Variants in MIR2052HG observed in about 807,000 individuals in gnomAD.
The protein encoded by MIR2052HG is MIR2052 host gene.
chr8:74,642,838 G>A (rs560714572), intron 2 of MIR2052HG, among the ~76,000 whole-genome samples: 1 of 152,188 alleles, frequency 6.6e-6, no homozygotes, highest in Admixed American at 6.5e-5. Context: ...CATCTACTTG[G>A]GTTTCATTGC....
intron 2 of MIR2052HG, among the ~76,000 whole-genome samples, chr8:74,634,014 C>T (rs2553707): frequency 0.45 from 68,232 of 152,046 alleles, 15,753 homozygotes; most frequent in East Asian, 0.66. Context: ...TTTCTTTCCT[C>T]AAATATCTGG....
At chr8:74,647,255 G>A (rs557670493) in intron 2 of MIR2052HG, among the ~76,000 whole-genome samples, 12 of 152,248 alleles carry the variant, frequency 7.9e-5, no homozygotes, top group African/African-American at 2.9e-4. Context: ...CAGGACAAGA[G>A]GACAGAAACA....
At chr8:74,718,666 CAT>C (rs1809544471) in intron 4 of MIR2052HG, among the ~76,000 whole-genome samples, 1 of 152,266 alleles carries the variant, frequency 6.6e-6, no homozygotes, top group East Asian at 1.9e-4. Flanking sequence ...GTACCACAGA[CAT>C]AGTTCTGGAG....
Position 74,634,891 on chromosome 8 carries a change from C to A in MIR2052HG, n.216+21951C>A, listed in dbSNP as rs574991570. On this transcript the variant is annotated intron_variant and non_coding_transcript_variant, in intron 2 of 6. Coordinates refer to ENST00000523442, the Ensembl canonical transcript of MIR2052HG. ...TGATTGATTGATTAATTGATCCACT[C>A]TTTCCTCAATTATTTATTGAATGTC... is the stretch of plus-strand genomic sequence containing the variant. 2.6e-5 allele frequency among the ~76,000 whole-genome samples: 4 copies of A among 152,218 alleles called. No individual in the cohort carries two copies. In the South Asian group the frequency reaches 8.3e-4, roughly 32 times the overall value.
intron 2 of MIR2052HG, among the ~76,000 whole-genome samples, chr8:74,628,406 G>C (rs550509619): frequency 6.6e-6 from 1 of 152,268 alleles, no homozygotes; most frequent in East Asian, 1.9e-4. Flanking sequence ...AACTATGTTC[G>C]TGTGGCTCAG....
chr8:74,631,575 C>T (rs949051153), intron 2 of MIR2052HG, among the ~76,000 whole-genome samples: 5 of 152,130 alleles, frequency 3.3e-5, no homozygotes, highest in Non-Finnish European at 7.4e-5. Context: ...GGTACTTCAA[C>T]AGCTGTTGAT....
intron 2 of MIR2052HG, among the ~76,000 whole-genome samples, chr8:74,652,319 A>G (rs1808762089): frequency 6.6e-6 from 1 of 152,122 alleles, no homozygotes; most frequent in South Asian, 2.1e-4. Context: ...GACACATAAT[A>G]TTTCTGGTTG....
intron 2 of MIR2052HG, among the ~76,000 whole-genome samples, chr8:74,644,741 A>AT (rs1808673980): frequency 6.6e-6 from 1 of 151,812 alleles, no homozygotes; most frequent in South Asian, 2.1e-4. Flanking sequence ...AAATAAATAA[A>AT]TTAGCCGGGC....
At chr8:74,698,210 A>C (rs1020546521) in intron 2 of MIR2052HG, among the ~76,000 whole-genome samples, 9 of 152,258 alleles carry the variant, frequency 5.9e-5, no homozygotes, top group Admixed American at 1.3e-4. Context: ...CCAGATACTT[A>C]ACAGCCAACT....
intron 4 of MIR2052HG, among the ~76,000 whole-genome samples, chr8:74,712,854 G>A (rs1051957866): frequency 6.6e-6 from 1 of 152,154 alleles, no homozygotes; most frequent in African/African-American, 2.4e-5. Context: ...GTTTGGGGCA[G>A]TAGGGATGTA....
At chr8:74,733,073 T>G (rs1319701171) in intron 4 of MIR2052HG, among the ~76,000 whole-genome samples, 4 of 151,502 alleles carry the variant, frequency 2.6e-5, no homozygotes, top group Non-Finnish European at 5.9e-5. Flanking sequence ...TTTATTTATT[T>G]ATTTATTTAT....
chr8:74,698,167 C>T (rs567385341), intron 2 of MIR2052HG, among the ~76,000 whole-genome samples: 1 of 152,212 alleles, frequency 6.6e-6, no homozygotes, highest in South Asian at 2.1e-4. Flanking sequence ...GGCACACAAA[C>T]CAATGGAACA....
At chr8:74,649,557 T>C (rs1320747534) in intron 2 of MIR2052HG, among the ~76,000 whole-genome samples, 1 of 152,126 alleles carries the variant, frequency 6.6e-6, no homozygotes, top group Non-Finnish European at 1.5e-5. Context: ...ATATAAAAGT[T>C]TATTGTTCTT....
chr8:74,604,400 G>A (rs1380219089), intron 1 of MIR2052HG, among the ~76,000 whole-genome samples: 1 of 136,008 alleles, frequency 7.4e-6, no homozygotes, highest in Non-Finnish European at 1.6e-5. Context: ...GAACAATAGG[G>A]GCAGGCGGGA....
At chr8:74,662,367 T>TA (rs1322418273) in intron 2 of MIR2052HG, among the ~76,000 whole-genome samples, 1 of 143,944 alleles carries the variant, frequency 6.9e-6, no homozygotes, top group Non-Finnish European at 1.5e-5. Context: ...GCCTTCCGCA[T>TA]AAGAAGTAGG....
chr8:74,649,369 TA>T (rs1419531946), intron 2 of MIR2052HG, among the ~76,000 whole-genome samples: 2 of 152,032 alleles, frequency 1.3e-5, no homozygotes, highest in Admixed American at 6.6e-5. Context: ...TAAAATAGTT[TA>T]AAAAATAATG....
intron 2 of MIR2052HG, among the ~76,000 whole-genome samples, chr8:74,688,654 AT>A: frequency 2.0e-5 from 3 of 152,158 alleles, no homozygotes; most frequent in Middle Eastern, 6.8e-3. Context: ...TTTTATTTTT[AT>A]TTGTTTTTAA....
At chr8:74,634,898 C>T (rs1267004254) in intron 2 of MIR2052HG, among the ~76,000 whole-genome samples, 1 of 152,048 alleles carries the variant, frequency 6.6e-6, no homozygotes, top group Admixed American at 6.6e-5. Context: ...ACTCTTTCCT[C>T]AATTATTTAT....
chr8:74,624,434 T>A (rs993228592), intron 2 of MIR2052HG, among the ~76,000 whole-genome samples: 4 of 152,262 alleles, frequency 2.6e-5, no homozygotes, highest in Non-Finnish European at 2.9e-5. Context: ...AACCTGTCTG[T>A]TATTGAAATG....
Sources: allele counts gnomAD v4.1 joint callset (sites outside exome capture counted in the v4.1 genomes callset), GRCh38; gene constraint gnomAD v4.1.1; transcripts MANE v1.5; gene names NCBI Gene and HGNC (gene_info 2026-07-23, HGNC 2026-07-21).